The following DCAF8 variants were observed in gnomAD, a reference collection of about 807,000 sequenced individuals.
DCAF8 encodes the protein DDB1 and CUL4 associated factor 8, also known as DDB1- and CUL4-associated factor 8.
DCAF8 carries 20 observed loss-of-function variants against 68.0 expected under a neutral mutation model. That is an observed-to-expected ratio of 0.29 (90% CI 0.21 to 0.43). The LOEUF (loss-of-function observed/expected upper bound fraction) is 0.43. Among genes scored for constraint, DCAF8 ranks in the 20% least tolerant of loss-of-function variants. The probability of loss-of-function intolerance (pLI) is 1.00; values close to 1 mark genes in which losing one functional copy is unlikely to be tolerated. For synonymous variants in DCAF8, 230 were observed against 276.9 expected (o/e 0.83, Z 1.68); for missense variants, 460 against 771.0 (o/e 0.60, Z 4.78).
intron 11 of DCAF8, among the ~76,000 whole-genome samples, chr1:160,222,039 A>T (rs1454108490): frequency 6.6e-6 from 1 of 152,172 alleles, no homozygotes; most frequent in African/African-American, 2.4e-5. Context: ...TTCTCCTTAT[A>T]TGTACACATG....
chr1:160,245,309 C>T (rs1290587734), intron 2 of DCAF8, among the ~76,000 whole-genome samples: 1 of 152,140 alleles, frequency 6.6e-6, no homozygotes, highest in East Asian at 1.9e-4. Context: ...TTATTAAGCC[C>T]TTTCAGTGAC....
rs1233001412 is a variant in DCAF8, at chr1:160,224,537, C to G, written c.1214G>C (p.Ser405Thr). ...GAGGTAAATGTCTTCATCATTGTAA[C>G]TGGCCAGGAGCTCTGCCAAGAACAA... ...YSHDGTELLA[S>T]YNDEDIYLFN... The change falls in exon 10 of 14, where the codon AGT becomes ACT. Residue 405 changes from serine (S) to threonine (T), a missense_variant. By Grantham distance (58) the Ser-to-Thr change is moderately conservative (BLOSUM62 1). Around this residue, in one of 8 missense-constraint regions of DCAF8, gnomAD observed 4 missense variants for 26.6 expected, o/e 0.15. Transcript: ENST00000368074. 1.2e-6 allele frequency: 2 copies of G among 1,613,698 alleles called. No individual in the cohort carries two copies. The highest frequency in any genetic ancestry group is 1.3e-5 in the African/African-American group (1 of 74,906).
intron 1 of DCAF8, chr1:160,262,186 A>C (rs933100841): frequency 5.0e-6 from 2 of 396,502 alleles, no homozygotes; most frequent in African/African-American, 4.1e-5. Context: ...CTGAGCGCTA[A>C]GAGCTTGGGA....
intron 3 of DCAF8, among the ~76,000 whole-genome samples, chr1:160,242,207 C>T (rs76717618): frequency 0.016 from 2,382 of 149,664 alleles, 64 homozygotes; most frequent in African/African-American, 0.049. Context: ...ATTGTGCCAC[C>T]GTACTCCAGC....
In DCAF8 at chr1:160,239,783, C is replaced by T. The variant is rs1281259086; in HGVS notation, c.637G>A (p.Asp213Asn). The T allele has an allele frequency of 1.9e-6, 3 of 1,614,158 alleles. No individual in the cohort carries two copies. Among genetic ancestry groups the T allele is most frequent in the African/African-American group, 1.3e-5 (1 of 74,950 alleles). ...TCCCACACCACCACCTTCAGGTCAT[C>T]GCTGCCACTGGCCAGCCAGGTGCCG... ...QRGTWLASGS[D>N]DLKVVVWDWV... is the part of the protein sequence containing the mutation. The change falls in exon 4 of 14, where the codon GAT (aspartate) becomes AAT (asparagine). Residue 213 changes from aspartate (D) to asparagine (N), a missense_variant. Transcript: ENST00000368074.
At chr1:160,248,036 T>C (rs1367628833) in intron 2 of DCAF8, among the ~76,000 whole-genome samples, 1 of 152,160 alleles carries the variant, frequency 6.6e-6, no homozygotes, top group Non-Finnish European at 1.5e-5. Context: ...ATCTGAGCGG[T>C]GGTTCAGGCC....
chr1:160,250,552 A>T (rs978098983), intron 2 of DCAF8, among the ~76,000 whole-genome samples: 1 of 152,124 alleles, frequency 6.6e-6, no homozygotes, highest in Non-Finnish European at 1.5e-5. Context: ...ACCATTAAAA[A>T]CACTAAATTC....
chr1:160,236,226 CCATGGTGTTAAA>C (rs1304551574), intron 6 of DCAF8, among the ~76,000 whole-genome samples: 1 of 151,512 alleles, frequency 6.6e-6, no homozygotes, highest in Admixed American at 6.6e-5. Flanking sequence ...TCAATTTCAG[CCATGGTGTTAAA>C]CATTATGCTG....
At chr1:160,218,471 C>T (rs1015603980) in intron 12 of DCAF8, 31 bp from the exon 13 acceptor site, 4 of 1,556,168 alleles carry the variant, frequency 2.6e-6, no homozygotes, top group Non-Finnish European at 3.5e-6. Context: ...GAAGAGGGGG[C>T]AGCAATGAAG....
At position 160,237,164 on chromosome 1, in the gene DCAF8, G is replaced by C. The variant is rs1409997846; in HGVS notation, c.930C>G (p.Thr310=). The change falls in exon 6 of 14, where the codon ACC becomes ACG. Residue 310 remains threonine (T), a synonymous_variant. Transcript: ENST00000368074. ...LSAGEDAVVF[T]IDLRQDRPAS... Reference sequence around the variant, plus strand: ...CTGGGCGGTCTTGTCTCAGGTCAATGGTGAAAACAACTGCATCTTCACCTG... The same window carrying C: ...CTGGGCGGTCTTGTCTCAGGTCAATCGTGAAAACAACTGCATCTTCACCTG... 6.3e-6 allele frequency: 10 copies of C among 1,575,548 alleles called. No individual in the cohort carries two copies. The highest frequency in any genetic ancestry group is 8.6e-6 in the Non-Finnish European group (10 of 1,158,208).
intron 2 of DCAF8, among the ~76,000 whole-genome samples, chr1:160,253,916 A>G (rs1044290249): frequency 1.3e-5 from 2 of 152,192 alleles, no homozygotes; most frequent in African/African-American, 4.8e-5. Context: ...AAAGGCTGTA[A>G]GAGTCAGAAC....
In DCAF8 at chr1:160,239,886, G is replaced by A. The variant is rs1379481369; in HGVS notation, c.534C>T (p.Val178=). 2.5e-6 allele frequency: 4 copies of A among 1,614,118 alleles called. No homozygotes were observed. Among genetic ancestry groups the A allele is most frequent in the Non-Finnish European group, 3.4e-6 (4 of 1,180,054 alleles). ...GCTGCAGGCGGAAACGCTGCACAAA[G>A]ACTCTTGCCCCACAGGCCTCATAGA... ...RFVYEACGAR[V]FVQRFRLQHG... The change falls in exon 4 of 14, where the codon GTC becomes GTT. Residue 178 remains valine, a synonymous_variant. Coordinates refer to ENST00000368074, the MANE Select transcript of DCAF8 (RefSeq NM_015726.4).
Position 160,217,548 on chromosome 1 carries a change from G to T in DCAF8, c.*44C>A. On this transcript the variant is annotated 3_prime_UTR_variant, in exon 14 of 14. Transcript: ENST00000368074. ...GGACAGGAAAGGGTTGCCCAGGCAG[G>T]ATCAGGTTGGCAGCCCCAGCCTGCC... The T allele has an allele frequency of 6.9e-7, 1 of 1,459,618 alleles. No individual in the cohort carries two copies. Among genetic ancestry groups the T allele is most frequent in the South Asian group, 1.2e-5 (1 of 85,992 alleles). 90.4% of individuals were successfully genotyped at this position (1,459,618 alleles called of 1,614,324 possible). A position where few individuals can be genotyped will look rare whatever the true frequency, so the allele number is the denominator to read the frequency against.
chr1:160,243,525 T>G (rs1386960901), intron 3 of DCAF8, among the ~76,000 whole-genome samples: 1 of 151,910 alleles, frequency 6.6e-6, no homozygotes, highest in Non-Finnish European at 1.5e-5. Context: ...ATTATAGGCA[T>G]GAGCCACCAT....
At chr1:160,224,968 G>A in intron 9 of DCAF8, 94 bp downstream of exon 9, 2 of 1,180,324 alleles carry the variant, frequency 1.7e-6, no homozygotes, top group Non-Finnish European at 2.5e-6. Context: ...CTATAGCACA[G>A]TGGTGAGCAC....
At chr1:160,229,173 G>T (rs577137714) in intron 7 of DCAF8, among the ~76,000 whole-genome samples, 1 of 152,276 alleles carries the variant, frequency 6.6e-6, no homozygotes, top group East Asian at 1.9e-4. Context: ...GCACATGCCT[G>T]TAATCCCAGC....
At chr1:160,254,904 T>G (rs1323141828) in intron 2 of DCAF8, among the ~76,000 whole-genome samples, 1 of 152,192 alleles carries the variant, frequency 6.6e-6, no homozygotes, top group African/African-American at 2.4e-5. Context: ...ACCACCTGCT[T>G]TTGAGTTTTT....
At chr1:160,254,328 A>G (rs1045148990) in intron 2 of DCAF8, among the ~76,000 whole-genome samples, 2 of 152,244 alleles carry the variant, frequency 1.3e-5, no homozygotes, top group African/African-American at 2.4e-5. Context: ...TCTCAAAAAA[A>G]AAAAAAAATT....
chr1:160,254,592 G>A (rs949705372), intron 2 of DCAF8, among the ~76,000 whole-genome samples: 2 of 151,812 alleles, frequency 1.3e-5, no homozygotes, highest in East Asian at 1.9e-4. Flanking sequence ...AAGAGATCAA[G>A]ACCATCTTGG....
Sources: allele counts gnomAD v4.1 joint callset (sites outside exome capture counted in the v4.1 genomes callset), GRCh38; gene constraint gnomAD v4.1.1; regional missense constraint gnomAD v4.1.1; transcripts MANE v1.5; gene names NCBI Gene and HGNC (gene_info 2026-07-23, HGNC 2026-07-21).